The following GVQW3 variants were observed in gnomAD, a reference collection of about 807,000 sequenced individuals.
The protein encoded by GVQW3 is GVQW motif containing 3, also known as protein GVQW3.
In GVQW3, 7 loss-of-function variants were observed where a neutral mutation model predicts 12.5. That is an observed-to-expected ratio of 0.56 (90% CI 0.32 to 1.05). GVQW3 has a LOEUF of 1.05. Among genes scored for constraint, GVQW3 ranks in the 50% least tolerant of loss-of-function variants. GVQW3 has a pLI of 0.04. For missense variants in GVQW3, 188 were observed against 190.8 expected (o/e 0.99, Z 0.09); for synonymous variants, 71 against 67.2 (o/e 1.06, Z -0.28).
At chr11:76,382,458 G>T in intron 1 of GVQW3, 165 bp downstream of exon 1, 1 of 661,418 alleles carries the variant, frequency 1.5e-6, no homozygotes, top group South Asian at 1.7e-5. Context: ...TCACCCCATG[G>T]TGAGAGGAAT....
intron 1 of GVQW3, among the ~76,000 whole-genome samples, chr11:76,389,007 A>C (rs1946864952): frequency 6.6e-6 from 1 of 152,218 alleles, no homozygotes; most frequent in Admixed American, 6.6e-5. Flanking sequence ...ACTTCTGGGA[A>C]TTTGTCCTAA....
downstream of GVQW3, chr11:76,411,410 T>G (rs528030061): frequency 1.3e-5 from 2 of 152,200 alleles, no homozygotes; most frequent in Non-Finnish European, 2.9e-5. Flanking sequence ...TGACCCAATT[T>G]AAACTTCTAG....
chr11:76,382,404 G>A, intron 1 of GVQW3, 111 bp downstream of exon 1: 1 of 755,962 alleles, frequency 1.3e-6, no homozygotes, highest in Non-Finnish European at 2.3e-6. Context: ...TTCTGCAGGC[G>A]TCATCTTCAA....
chr11:76,388,636 G>T (rs1565242370), intron 1 of GVQW3, among the ~76,000 whole-genome samples: 1 of 151,608 alleles, frequency 6.6e-6, no homozygotes, highest in Admixed American at 6.6e-5. Context: ...ATACAGCAGT[G>T]TACAAAATAG....
Position 76,405,288 on chromosome 11 carries a change from AGCAAATG to A in GVQW3, c.*1533_*1539del, listed in dbSNP as rs563005178. 6.6e-6 allele frequency: 1 copy of A among 152,350 alleles called. No homozygotes were observed. Among genetic ancestry groups the A allele is most frequent in the East Asian group, 1.9e-4 (1 of 5,182 alleles). The allele number at this position is 152,350 out of a possible 1,614,324, so 9.4% of individuals were successfully genotyped here. On this transcript the variant is annotated 3_prime_UTR_variant, in exon 2 of 2. Transcript: ENST00000529331. ...GGAGCTGCAGTGGTAGGTAACAAGGAGCAAATGGCTTTTGGGTAGCCAGTCAACAGGG... is the reference window on the plus strand; with the variant it reads ...GGAGCTGCAGTGGTAGGTAACAAGGAGCTTTTGGGTAGCCAGTCAACAGGG...
intron 1 of GVQW3, among the ~76,000 whole-genome samples, chr11:76,396,989 C>G (rs1226867855): frequency 1.4e-5 from 2 of 146,136 alleles, no homozygotes; most frequent in African/African-American, 2.5e-5. Context: ...GAGCATGGGT[C>G]AGTCATTTAT....
At chr11:76,398,505 G>T (rs577409876) in intron 1 of GVQW3, among the ~76,000 whole-genome samples, 3 of 152,190 alleles carry the variant, frequency 2.0e-5, no homozygotes, top group East Asian at 1.9e-4. Context: ...TAGAGACGGG[G>T]TTTTACCATG....
At chr11:76,391,831 G>C (rs556272733) in intron 1 of GVQW3, among the ~76,000 whole-genome samples, 3 of 152,236 alleles carry the variant, frequency 2.0e-5, no homozygotes, top group African/African-American at 4.8e-5. Flanking sequence ...GTGCATGCCT[G>C]TAATCCCAGC....
downstream of GVQW3, among the ~76,000 whole-genome samples, chr11:76,410,211 C>T (rs1199587369): frequency 1.3e-5 from 2 of 152,204 alleles, no homozygotes; most frequent in Non-Finnish European, 2.9e-5. Context: ...GCTGTGATTA[C>T]ACCACTGCAC....
At position 76,403,738 on chromosome 11, in the gene GVQW3, GC is replaced by G. The variant is rs1343130050; in HGVS notation, c.545del (p.Ala182ValfsTer20). 1 of 517,252 alleles carries G rather than the reference GC, an allele frequency of 1.9e-6. No individual in the cohort carries two copies. The highest frequency in any genetic ancestry group is 3.5e-6 in the Non-Finnish European group (1 of 285,414). 32.0% of individuals were successfully genotyped at this position (517,252 alleles called of 1,614,324 possible). ...GATCCTCCCACCTTGGCCTCCCAAA[GC>G]TCTGGGATTATCAGCATGAGCCACC... ...QGILPPWPPK[A>X]LGLSA On this transcript the variant is annotated frameshift_variant, in exon 2 of 2. Coordinates refer to ENST00000529331, the MANE Select transcript of GVQW3 (RefSeq NM_001347885.2). LOFTEE classifies it high-confidence loss of function.
intron 1 of GVQW3, among the ~76,000 whole-genome samples, chr11:76,385,889 G>A (rs1315075695): frequency 6.6e-6 from 1 of 152,168 alleles, no homozygotes; most frequent in Non-Finnish European, 1.5e-5. Context: ...ACCTCTAGTA[G>A]CAAGAGTCAT....
rs1424602406 is a variant in GVQW3, at chr11:76,401,041, A to ATT, written c.466-2614_466-2613dup. Among the ~76,000 whole-genome samples the ATT allele has an allele frequency of 4.1e-3, 617 of 150,578 alleles. 4 individuals carry two copies. Among genetic ancestry groups the ATT allele is most frequent in the African/African-American group, 0.012 (492 of 41,256 alleles). On this transcript the variant is annotated intron_variant, in intron 1 of 1. Transcript: ENST00000529331. ...GGCTTCTATTTTTATATATATATAT[A>ATT]TTTTTTCTCTTTTTTGAGACAGGGT...
intron 1 of GVQW3, among the ~76,000 whole-genome samples, chr11:76,402,424 G>A (rs1193972400): frequency 6.6e-6 from 1 of 151,756 alleles, no homozygotes; most frequent in Admixed American, 6.6e-5. Context: ...GTGGTGGTGC[G>A]TGCCTGTAAT....
At chr11:76,401,773 C>CGAA (rs762552771) in intron 1 of GVQW3, among the ~76,000 whole-genome samples, 1 of 88,946 alleles carries the variant, frequency 1.1e-5, no homozygotes. Context: ...AACTCTGTCT[C>CGAA]AAAAAAAAAA....
chr11:76,389,935 A>G (rs1302289726), intron 1 of GVQW3: 1 of 152,198 alleles, frequency 6.6e-6, no homozygotes, highest in Non-Finnish European at 1.5e-5. Flanking sequence ...TAACTTACCA[A>G]ACTCTTAAGG....
chr11:76,389,587 T>C (rs1946871765), intron 1 of GVQW3: 1 of 152,246 alleles, frequency 6.6e-6, no homozygotes, highest in Admixed American at 6.5e-5. Flanking sequence ...GGCATGCTCT[T>C]GTGATGTAGT....
chr11:76,403,586 C>T, intron 1 of GVQW3, 74 bp from the exon 2 acceptor site: 1 of 428,272 alleles, frequency 2.3e-6, no homozygotes, highest in Non-Finnish European at 4.1e-6. Context: ...CCTCCCACCT[C>T]AGCCTCCTGA....
At chr11:76,413,257 G>GCCC (rs1392441273) in exon 2 of GVQW3, 1 of 152,096 alleles carries the variant, frequency 6.6e-6, no homozygotes, top group African/African-American at 2.4e-5. Flanking sequence ...CTTATTGCCA[G>GCCC]CCCCTGGTGT....
chr11:76,382,515 C>T, intron 1 of GVQW3: 1 of 609,416 alleles, frequency 1.6e-6, no homozygotes, highest in Non-Finnish European at 2.9e-6. Context: ...CTGTTAGGCA[C>T]CTTCTTTGGC....
Sources: gnomAD v4.1 joint callset for allele counts (sites outside exome capture counted in the v4.1 genomes callset) on GRCh38, gnomAD v4.1.1 for gene constraint, MANE v1.5 for transcripts, NCBI Gene and HGNC (gene_info 2026-07-23, HGNC 2026-07-21) for gene names.